The following OXSR1 variants were observed in gnomAD, a reference collection of about 807,000 sequenced individuals.
OXSR1 encodes the protein serine/threonine-protein kinase OSR1.
In OXSR1, 24 loss-of-function variants were observed where a neutral mutation model predicts 79.8. The observed-to-expected ratio is 0.30, with a 90% confidence interval of 0.22 to 0.42. The LOEUF is 0.42. OXSR1 is among the 10% of genes least tolerant of loss of function. The pLI is 1.00. For synonymous variants in OXSR1, 226 were observed against 209.2 expected, an observed-to-expected ratio of 1.08 and a Z score of -0.69; for missense variants, 430 against 618.4, an observed-to-expected ratio of 0.70 and a Z score of 3.23.
rs540459817 is a variant in OXSR1, at chr3:38,254,618, C to A, written c.*1727C>A. ...TTTTTCTTTTTTTGTGGAGGGGGGA[C>A]GGAGAGGAACAAGGATGGGGAGGTA... On this transcript the variant is annotated 3_prime_UTR_variant, in exon 18 of 18. Coordinates refer to ENST00000311806, the MANE Select transcript of OXSR1 (RefSeq NM_005109.3). The A allele has an allele frequency of 1.6e-5, 3 of 183,150 alleles. No individual in the cohort carries two copies. The East Asian group carries it at 3.7e-4, about 23-fold the overall frequency. The allele number at this position is 183,150 out of a possible 1,614,324, so 11.3% of individuals were successfully genotyped here.
intron 6 of OXSR1, 33 bp downstream of exon 6, chr3:38,221,720 T>C (rs996666113): frequency 4.6e-6 from 6 of 1,298,920 alleles, no homozygotes; most frequent in Non-Finnish European, 6.6e-6. Context: ...TTAAATGGGT[T>C]AGGGCTTTGT....
chr3:38,221,693 G>A lies in OXSR1; in HGVS notation c.600+6G>A, dbSNP rs377496555. ...CACCTGAAGTTATGGAACAGGTACC[G>A]TGTCTTTTTTTCTGTTTTAAATGGG... is the stretch of plus-strand genomic sequence containing the variant. On this transcript the variant is annotated splice_donor_region_variant and intron_variant, in intron 6 of 17. Transcript: ENST00000311806. 1.5e-5 allele frequency: 24 copies of A among 1,550,400 alleles called. No homozygotes were observed. Among genetic ancestry groups the A allele is most frequent in the African/African-American group, 4.1e-5 (3 of 73,426 alleles).
chr3:38,219,027 T>A (rs1167704000), intron 5 of OXSR1, among the ~76,000 whole-genome samples: 1 of 152,210 alleles, frequency 6.6e-6, no homozygotes, highest in African/African-American at 2.4e-5. Context: ...ACTCTTTCTC[T>A]TTAGTTGGCA....
In OXSR1 at chr3:38,253,044, C is replaced by T; in HGVS notation, c.*153C>T. ...CTTTATGTTCTTCCTGCCATCATTC[C>T]TCCTTTTCCCACAGGGAAAGAAAAG... On this transcript the variant is annotated 3_prime_UTR_variant, in exon 18 of 18. Transcript: ENST00000311806. 1 of 619,550 alleles carries T rather than the reference C, an allele frequency of 1.6e-6. No homozygotes were observed. The highest frequency in any genetic ancestry group is 2.8e-6 in the Non-Finnish European group (1 of 351,304). 38.4% of individuals were successfully genotyped at this position (619,550 alleles called of 1,614,324 possible).
chr3:38,184,642 C>G (rs940352971), intron 2 of OXSR1, among the ~76,000 whole-genome samples: 3 of 152,098 alleles, frequency 2.0e-5, no homozygotes, highest in African/African-American at 7.2e-5. Flanking sequence ...TAAGCTGAGG[C>G]TCAAAGTTTA....
At chr3:38,215,638 G>T (rs888125818) in intron 4 of OXSR1, among the ~76,000 whole-genome samples, 3 of 152,076 alleles carry the variant, frequency 2.0e-5, no homozygotes, top group African/African-American at 7.2e-5. Context: ...TTTAAAACAA[G>T]AATATTTTTC....
At chr3:38,175,045 A>AG (rs1410989361) in intron 1 of OXSR1, among the ~76,000 whole-genome samples, 3 of 152,172 alleles carry the variant, frequency 2.0e-5, no homozygotes, top group African/African-American at 7.2e-5. Flanking sequence ...TATTTAGAAA[A>AG]GGGGTTAACA....
At chr3:38,192,415 C>T (rs1320188876) in intron 3 of OXSR1, among the ~76,000 whole-genome samples, 2 of 152,132 alleles carry the variant, frequency 1.3e-5, no homozygotes, top group African/African-American at 4.8e-5. Flanking sequence ...AACTTGGATG[C>T]TTGGAGTGCT....
chr3:38,203,164 T>C (rs1368992242), intron 4 of OXSR1, among the ~76,000 whole-genome samples: 1 of 152,206 alleles, frequency 6.6e-6, no homozygotes, highest in Admixed American at 6.5e-5. Context: ...ATCTTTCTTA[T>C]AAGTGCGTAG....
intron 3 of OXSR1, among the ~76,000 whole-genome samples, chr3:38,197,641 T>G (rs775249138): frequency 5.9e-5 from 9 of 152,240 alleles, no homozygotes; most frequent in Non-Finnish European, 1.2e-4. Flanking sequence ...GGTTTATGCC[T>G]TTTTAATCAA....
intron 4 of OXSR1, among the ~76,000 whole-genome samples, chr3:38,201,428 G>C (rs1277112076): frequency 6.6e-6 from 1 of 151,034 alleles, no homozygotes; most frequent in Non-Finnish European, 1.5e-5. Context: ...ATCCAGATAC[G>C]GGCCAGGCAT....
intron 5 of OXSR1, among the ~76,000 whole-genome samples, chr3:38,219,654 A>G (rs1173227963): frequency 6.6e-6 from 1 of 152,178 alleles, no homozygotes; most frequent in East Asian, 1.9e-4. Context: ...GCAGAGCTGA[A>G]TGCACTAAAT....
chr3:38,171,368 A>G (rs563370857), intron 1 of OXSR1, among the ~76,000 whole-genome samples: 91 of 152,362 alleles, frequency 6.0e-4, no homozygotes, highest in African/African-American at 2.1e-3. Context: ...TTCAGGAAAC[A>G]CATGATTAAA....
At chr3:38,217,715 C>T (rs1278280826) in intron 5 of OXSR1, among the ~76,000 whole-genome samples, 1 of 151,982 alleles carries the variant, frequency 6.6e-6, no homozygotes, top group Non-Finnish European at 1.5e-5. Context: ...GTAGTAGAGA[C>T]AGTGTTTCTC....
At chr3:38,252,234 A>G (rs764752608) in intron 16 of OXSR1, 94 bp from the exon 17 acceptor site, 7 of 845,774 alleles carry the variant, frequency 8.3e-6, no homozygotes, top group Non-Finnish European at 1.2e-5. Context: ...TGTACGGAGC[A>G]TATTCTTAAC....
chr3:38,222,963 C>G (rs941047991), intron 6 of OXSR1, among the ~76,000 whole-genome samples: 1 of 152,166 alleles, frequency 6.6e-6, no homozygotes, highest in Admixed American at 6.5e-5. Context: ...TTTTAATTGA[C>G]TGTAATTTTA....
At chr3:38,167,030 G>A (rs931456758) in intron 1 of OXSR1, among the ~76,000 whole-genome samples, 1 of 152,142 alleles carries the variant, frequency 6.6e-6, no homozygotes, top group Admixed American at 6.5e-5. Context: ...TTGAGTAAGG[G>A]AAGAGCTTGA....
intron 4 of OXSR1, among the ~76,000 whole-genome samples, chr3:38,199,529 C>T (rs1440291438): frequency 1.3e-5 from 2 of 151,992 alleles, no homozygotes; most frequent in African/African-American, 4.8e-5. Context: ...GTGCCCAGCC[C>T]TTTTTTTCTT....
In OXSR1 at chr3:38,165,777, G is replaced by A. The variant is rs1185747000; in HGVS notation, c.-100G>A. 3 of 724,050 alleles carry A rather than the reference G, an allele frequency of 4.1e-6. No individual in the cohort carries two copies. The African/African-American group carries it at 5.5e-5, about 13-fold the overall frequency. 44.9% of individuals were successfully genotyped at this position (724,050 alleles called of 1,614,324 possible). A position where few individuals can be genotyped will look rare whatever the true frequency, so the allele number is the denominator to read the frequency against. ...GTTCCGAGACGATTGGTGGGGGCGCGGCGGCGGCGGCGGCGGCTGTTGGGG... is the reference window on the plus strand; with the variant it reads ...GTTCCGAGACGATTGGTGGGGGCGCAGCGGCGGCGGCGGCGGCTGTTGGGG... On this transcript the variant is annotated 5_prime_UTR_variant, in exon 1 of 18. Coordinates refer to ENST00000311806, the MANE Select transcript of OXSR1 (RefSeq NM_005109.3).
Sources: allele counts gnomAD v4.1 joint callset (sites outside exome capture counted in the v4.1 genomes callset), GRCh38; gene constraint gnomAD v4.1.1; transcripts MANE v1.5; gene names NCBI Gene and HGNC (gene_info 2026-07-23, HGNC 2026-07-21).